Variants in TSPAN18 observed in about 807,000 individuals in gnomAD.
TSPAN18 encodes the protein tetraspanin-18.
TSPAN18 carries 14 observed loss-of-function variants against 27.3 expected under a neutral mutation model. The ratio of observed to expected loss-of-function variants is 0.51; its 90% CI spans 0.34 to 0.80. TSPAN18 has a LOEUF of 0.80. TSPAN18 is among the 30% of genes least tolerant of loss of function. The pLI, the probability that TSPAN18 is intolerant of heterozygous loss-of-function variation, is 0.01. For synonymous variants in TSPAN18, 143 were observed against 136.5 expected (o/e 1.05, Z -0.33); for missense variants, 268 against 323.9 (o/e 0.83, Z 1.32).
intron 2 of TSPAN18, among the ~76,000 whole-genome samples, chr11:44,856,135 A>C (rs1857732234): frequency 6.6e-6 from 1 of 152,018 alleles, no homozygotes. Flanking sequence ...TACCCGCCTC[A>C]GCCTCCTAAA....
At chr11:44,899,579 G>A (rs1026419859) in intron 3 of TSPAN18, among the ~76,000 whole-genome samples, 3 of 152,318 alleles carry the variant, frequency 2.0e-5, no homozygotes, top group African/African-American at 4.8e-5. Context: ...ACCTTGTGGC[G>A]GGGCAGGAGG....
chr11:44,893,575 C>T (rs970507280), intron 3 of TSPAN18, among the ~76,000 whole-genome samples: 1 of 152,292 alleles, frequency 6.6e-6, no homozygotes, highest in Non-Finnish European at 1.5e-5. Flanking sequence ...TCTTCTAGGC[C>T]TCGGGCCGGC....
chr11:44,855,613 G>C (rs1857714880), intron 2 of TSPAN18, among the ~76,000 whole-genome samples: 1 of 152,050 alleles, frequency 6.6e-6, no homozygotes, highest in Non-Finnish European at 1.5e-5. Context: ...TGGCAGAGCT[G>C]GGATGCAAAC....
At chr11:44,887,303 C>T (rs1158706073) in intron 3 of TSPAN18, among the ~76,000 whole-genome samples, 1 of 152,154 alleles carries the variant, frequency 6.6e-6, no homozygotes, top group African/African-American at 2.4e-5. Flanking sequence ...ATTGCAAGGG[C>T]CAAGTGAATT....
chr11:44,886,822 G>A (rs998129865), intron 3 of TSPAN18, among the ~76,000 whole-genome samples: 4 of 152,172 alleles, frequency 2.6e-5, no homozygotes, highest in South Asian at 2.1e-4. Context: ...GTTCATTCAC[G>A]CAGGAAAGTG....
intron 3 of TSPAN18, among the ~76,000 whole-genome samples, chr11:44,902,188 CCATCCTGCTCTGTG>C (rs1426136171): frequency 2.6e-5 from 4 of 152,190 alleles, no homozygotes; most frequent in Non-Finnish European, 5.9e-5. Flanking sequence ...TAAGAGCTGT[CCATCCTGCTCTGTG>C]CAGGTACAGC....
chr11:44,864,059 C>T (rs888214342), intron 3 of TSPAN18, among the ~76,000 whole-genome samples: 24 of 151,766 alleles, frequency 1.6e-4, no homozygotes, highest in African/African-American at 2.9e-4. Flanking sequence ...GAGGCTGAGG[C>T]GGGCGGATCT....
intron 1 of TSPAN18, among the ~76,000 whole-genome samples, chr11:44,733,044 C>T (rs1854701958): frequency 6.6e-6 from 1 of 152,292 alleles, no homozygotes; most frequent in Non-Finnish European, 1.5e-5. Flanking sequence ...GAAAGCCACA[C>T]TAATACTCAA....
intron 2 of TSPAN18, among the ~76,000 whole-genome samples, chr11:44,851,619 C>CG (rs927085491): frequency 6.1e-5 from 9 of 147,786 alleles, no homozygotes; most frequent in African/African-American, 2.2e-4. Flanking sequence ...GTCACCTCCC[C>CG]CCCCCAACGG....
chr11:44,901,228 T>C (rs551172390), intron 3 of TSPAN18: 3 of 152,148 alleles, frequency 2.0e-5, no homozygotes, highest in Admixed American at 6.5e-5. Flanking sequence ...ACCTTTGAGG[T>C]TGTGGGAGGC....
chr11:44,740,345 A>C (rs1854904400), intron 1 of TSPAN18, among the ~76,000 whole-genome samples: 1 of 152,116 alleles, frequency 6.6e-6, no homozygotes, highest in Non-Finnish European at 1.5e-5. Flanking sequence ...TGGCAGATCA[A>C]AGGGCTTTTT....
chr11:44,923,311 GGGT>G (rs1860215669), intron 8 of TSPAN18, among the ~76,000 whole-genome samples: 1 of 152,108 alleles, frequency 6.6e-6, no homozygotes, highest in Non-Finnish European at 1.5e-5. Context: ...TGGCAGCAGG[GGGT>G]GGGGGATGTG....
intron 2 of TSPAN18, among the ~76,000 whole-genome samples, chr11:44,828,225 AT>A (rs1857083768): frequency 6.6e-6 from 1 of 152,112 alleles, no homozygotes; most frequent in Non-Finnish European, 1.5e-5. Context: ...GAGGTGAAAA[AT>A]CTAGCTTTGA....
chr11:44,741,991 C>G (rs1221129883), intron 1 of TSPAN18, among the ~76,000 whole-genome samples: 1 of 152,072 alleles, frequency 6.6e-6, no homozygotes, highest in African/African-American at 2.4e-5. Context: ...ACACCAGACC[C>G]ATATACGTTG....
chr11:44,897,988 A>C (rs1477388128), intron 3 of TSPAN18, among the ~76,000 whole-genome samples: 1 of 151,876 alleles, frequency 6.6e-6, no homozygotes, highest in Non-Finnish European at 1.5e-5. Flanking sequence ...TATTTCTCTG[A>C]TTTGCTGACT....
chr11:44,803,616 T>G (rs1856529490), intron 2 of TSPAN18, among the ~76,000 whole-genome samples: 1 of 151,624 alleles, frequency 6.6e-6, no homozygotes, highest in East Asian at 1.9e-4. Context: ...ATCCAAGGAG[T>G]AGAAGCTGCC....
At chr11:44,894,796 GCTGC>G (rs1858984051) in intron 3 of TSPAN18, among the ~76,000 whole-genome samples, 1 of 152,226 alleles carries the variant, frequency 6.6e-6, no homozygotes. Flanking sequence ...TCTGTGCCTC[GCTGC>G]CTGGTTCAGG....
intron 2 of TSPAN18, among the ~76,000 whole-genome samples, chr11:44,833,990 A>G (rs1565170208): frequency 6.6e-6 from 1 of 151,392 alleles, no homozygotes; most frequent in East Asian, 1.9e-4. Context: ...TTGAAAAGGA[A>G]TTTATAATGG....
At chr11:44,759,188 C>A (rs1855396200) in intron 1 of TSPAN18, among the ~76,000 whole-genome samples, 1 of 152,224 alleles carries the variant, frequency 6.6e-6, no homozygotes. Context: ...TTGGCTTAGA[C>A]ACAGGAAAGC....
Sources: allele counts gnomAD v4.1 joint callset (sites outside exome capture counted in the v4.1 genomes callset), GRCh38; gene constraint gnomAD v4.1.1; transcripts MANE v1.5; gene names NCBI Gene and HGNC (gene_info 2026-07-23, HGNC 2026-07-21).